The following NXPH1 variants were observed in gnomAD, a reference collection of about 807,000 sequenced individuals.
The protein encoded by NXPH1 is neurexophilin 1.
NXPH1 carries 5 observed loss-of-function variants against 23.7 expected under a neutral mutation model. The ratio of observed to expected loss-of-function variants is 0.21; its 90% CI spans 0.11 to 0.44. NXPH1 has a LOEUF of 0.44. Among genes scored for constraint, NXPH1 ranks in the 20% least tolerant of loss-of-function variants. NXPH1 has a pLI of 0.99. For synonymous variants in NXPH1, 144 were observed against 122.2 expected, an observed-to-expected ratio of 1.18 and a Z score of -1.18; for missense variants, 324 against 321.6, an observed-to-expected ratio of 1.01 and a Z score of -0.06.
chr7:8,454,094 T>A (rs967983534), intron 2 of NXPH1, among the ~76,000 whole-genome samples: 3 of 93,014 alleles, frequency 3.2e-5, no homozygotes, highest in African/African-American at 3.0e-4. Flanking sequence ...TTTTGGAGGG[T>A]GGAGTGGGGA....
At chr7:8,541,368 T>C (rs1162614602) in intron 2 of NXPH1, among the ~76,000 whole-genome samples, 1 of 151,494 alleles carries the variant, frequency 6.6e-6, no homozygotes, top group Non-Finnish European at 1.5e-5. Context: ...CTAATATATA[T>C]ATAATTAAGG....
At chr7:8,688,958 T>A (rs866303911) in intron 2 of NXPH1, among the ~76,000 whole-genome samples, 2 of 152,170 alleles carry the variant, frequency 1.3e-5, no homozygotes, top group African/African-American at 4.8e-5. Flanking sequence ...ACCTTCGTTT[T>A]CCATGGTCTT....
intron 2 of NXPH1, among the ~76,000 whole-genome samples, chr7:8,729,723 G>GT (rs1227894419): frequency 6.6e-6 from 1 of 151,140 alleles, no homozygotes; most frequent in African/African-American, 2.4e-5. Flanking sequence ...TATAATTTCT[G>GT]TTCTTTTACA....
At chr7:8,730,160 A>T (rs1226589982) in intron 2 of NXPH1, among the ~76,000 whole-genome samples, 1 of 149,200 alleles carries the variant, frequency 6.7e-6, no homozygotes, top group Non-Finnish European at 1.5e-5. Flanking sequence ...CTAGGATTGC[A>T]ACCCCTGCCT....
intron 2 of NXPH1, among the ~76,000 whole-genome samples, chr7:8,681,927 C>T (rs1821055960): frequency 6.6e-6 from 1 of 152,164 alleles, no homozygotes; most frequent in South Asian, 2.1e-4. Flanking sequence ...TGCCCCTTTT[C>T]TAGAAATCTG....
intron 2 of NXPH1, among the ~76,000 whole-genome samples, chr7:8,740,514 T>G (rs949281656): frequency 6.6e-6 from 1 of 152,212 alleles, no homozygotes; most frequent in African/African-American, 2.4e-5. Context: ...AGGATTTGCA[T>G]TTAGACCTAT....
At chr7:8,489,892 T>C (rs913688768) in intron 2 of NXPH1, among the ~76,000 whole-genome samples, 2 of 152,138 alleles carry the variant, frequency 1.3e-5, no homozygotes, top group Non-Finnish European at 2.9e-5. Context: ...GGTCATGTTT[T>C]GGTCTGATGC....
At chr7:8,488,496 C>A (rs551173334) in intron 2 of NXPH1, among the ~76,000 whole-genome samples, 1 of 152,230 alleles carries the variant, frequency 6.6e-6, no homozygotes, top group South Asian at 2.1e-4. Context: ...GACTGAAACC[C>A]AGGCCTCATC....
chr7:8,523,803 T>G (rs1817815480), intron 2 of NXPH1, among the ~76,000 whole-genome samples: 1 of 152,180 alleles, frequency 6.6e-6, no homozygotes, highest in Non-Finnish European at 1.5e-5. Context: ...CCCTCACTCC[T>G]CACCCTTCAT....
chr7:8,745,397 A>G (rs1398971199), intron 2 of NXPH1, among the ~76,000 whole-genome samples: 3 of 134,174 alleles, frequency 2.2e-5, no homozygotes, highest in Non-Finnish European at 1.6e-5. Context: ...AGTGTAAAAA[A>G]GTTGAACTCA....
At chr7:8,444,668 G>T (rs1816365659) in intron 2 of NXPH1, among the ~76,000 whole-genome samples, 1 of 152,250 alleles carries the variant, frequency 6.6e-6, no homozygotes, top group South Asian at 2.1e-4. Context: ...AGGTGTGTGT[G>T]TGTGGTGTGC....
chr7:8,604,469 G>A (rs150930011), intron 2 of NXPH1, among the ~76,000 whole-genome samples: 7 of 151,976 alleles, frequency 4.6e-5, no homozygotes, highest in Non-Finnish European at 8.8e-5. Flanking sequence ...CTTTCTTACT[G>A]TATGATTTCC....
intron 2 of NXPH1, among the ~76,000 whole-genome samples, chr7:8,534,252 G>A (rs563622107): frequency 1.1e-4 from 17 of 152,130 alleles, no homozygotes; most frequent in Middle Eastern, 3.4e-3. Flanking sequence ...AAATGAAGTC[G>A]GAGAAGGAAA....
intron 2 of NXPH1, among the ~76,000 whole-genome samples, chr7:8,749,684 T>G (rs1780532007): frequency 6.6e-6 from 1 of 152,198 alleles, no homozygotes; most frequent in African/African-American, 2.4e-5. Flanking sequence ...TCAGAACTGG[T>G]TCTCCAGGGG....
intron 2 of NXPH1, among the ~76,000 whole-genome samples, chr7:8,671,011 T>C (rs113675017): frequency 2.0e-5 from 3 of 152,310 alleles, no homozygotes; most frequent in African/African-American, 7.2e-5. Flanking sequence ...CAAGAAATCA[T>C]TCAAAAATTG....
At chr7:8,605,955 C>T (rs1819478433) in intron 2 of NXPH1, among the ~76,000 whole-genome samples, 1 of 152,084 alleles carries the variant, frequency 6.6e-6, no homozygotes, top group African/African-American at 2.4e-5. Flanking sequence ...ATGAGGCCAA[C>T]ATTTTTTCCT....
chr7:8,495,236 G>T (rs1817314655), intron 2 of NXPH1, among the ~76,000 whole-genome samples: 1 of 151,778 alleles, frequency 6.6e-6, no homozygotes, highest in East Asian at 1.9e-4. Context: ...AAGGTAGTCT[G>T]GTGGTAGAAT....
chr7:8,669,401 G>C (rs377200242), intron 2 of NXPH1, among the ~76,000 whole-genome samples: 7 of 152,048 alleles, frequency 4.6e-5, no homozygotes, highest in South Asian at 2.1e-4. Flanking sequence ...CTAGGGATGT[G>C]GGGGCTGGCC....
At chr7:8,560,726 C>T (rs1025254994) in intron 2 of NXPH1, among the ~76,000 whole-genome samples, 11 of 151,644 alleles carry the variant, frequency 7.3e-5, no homozygotes, top group Non-Finnish European at 1.0e-4. Context: ...ACTTTCCTGG[C>T]AGAGTTGTTG....
Sources: gnomAD v4.1 joint callset for allele counts (sites outside exome capture counted in the v4.1 genomes callset) on GRCh38, gnomAD v4.1.1 for gene constraint, MANE v1.5 for transcripts, NCBI Gene and HGNC (gene_info 2026-07-23, HGNC 2026-07-21) for gene names.